Variants in TRPC4AP observed in about 807,000 individuals in gnomAD.
TRPC4AP encodes the protein transient receptor potential cation channel subfamily C member 4 associated protein.
In TRPC4AP, 45 loss-of-function variants were observed where a neutral mutation model predicts 99.0. The ratio of observed to expected loss-of-function variants is 0.45; its 90% confidence interval spans 0.36 to 0.58. The LOEUF (loss-of-function observed/expected upper bound fraction) is 0.58. Among genes scored for constraint, TRPC4AP ranks in the 20% least tolerant of loss-of-function variants. The pLI is 0.00. For synonymous variants in TRPC4AP, 408 were observed against 385.8 expected (o/e 1.06, Z -0.67); for missense variants, 879 against 985.3 (o/e 0.89, Z 1.44).
chr20:35,076,153 AT>A (rs1324260483), intron 2 of TRPC4AP, among the ~76,000 whole-genome samples: 1 of 152,144 alleles, frequency 6.6e-6, no homozygotes, highest in Non-Finnish European at 1.5e-5. Flanking sequence ...CTAGTTAGCC[AT>A]TCGTCTAATC....
At chr20:35,005,246 G>A (rs1277833531) in intron 16 of TRPC4AP, among the ~76,000 whole-genome samples, 1 of 152,182 alleles carries the variant, frequency 6.6e-6, no homozygotes, top group Non-Finnish European at 1.5e-5. Flanking sequence ...TGGGGGTGTG[G>A]GGGGGTCACA....
chr20:35,022,743 A>G (rs6060159), intron 8 of TRPC4AP, among the ~76,000 whole-genome samples: 121,226 of 152,132 alleles, frequency 0.8, 48,879 homozygotes, highest in African/African-American at 0.9. Flanking sequence ...TATTCCGACT[A>G]GGTGTGGTGG....
intron 1 of TRPC4AP, among the ~76,000 whole-genome samples, chr20:35,086,183 T>G (rs953298325): frequency 1.3e-5 from 2 of 151,946 alleles, no homozygotes; most frequent in Non-Finnish European, 2.9e-5. Flanking sequence ...GGTCTTGAAC[T>G]CCTGAGCTTA....
intron 1 of TRPC4AP, 51 bp downstream of exon 1, chr20:35,092,563 C>CCACA: frequency 7.2e-7 from 1 of 1,386,212 alleles, no homozygotes; most frequent in Non-Finnish European, 9.4e-7. Context: ...GGCCCCCCGC[C>CCACA]AGCTCCCGCC....
chr20:35,037,200 A>AGCTGGGCGCG (rs931120208), intron 7 of TRPC4AP, among the ~76,000 whole-genome samples: 2 of 151,864 alleles, frequency 1.3e-5, no homozygotes, highest in African/African-American at 4.8e-5. Context: ...ACAAAAAATT[A>AGCTGGGCGCG]GCTGGGCGCG....
chr20:35,003,073 A>C lies in TRPC4AP; in HGVS notation c.*73T>G. 6.3e-7 allele frequency: 1 copy of C among 1,582,772 alleles called. No individual in the cohort carries two copies. Among genetic ancestry groups the C allele is most frequent in the African/African-American group, 1.3e-5 (1 of 74,496 alleles). On this transcript the variant is annotated 3_prime_UTR_variant, in exon 19 of 19. Coordinates refer to ENST00000252015, the MANE Select transcript of TRPC4AP (RefSeq NM_015638.3). ...GAGAGCAGCAGGGAGGAACGGGAAC[A>C]GGGCAGGGCGTGTGGCATCGTACCC...
intron 8 of TRPC4AP, among the ~76,000 whole-genome samples, chr20:35,029,286 G>A (rs536414285): frequency 2.0e-5 from 3 of 152,242 alleles, no homozygotes; most frequent in South Asian, 4.1e-4. Flanking sequence ...CAGCTTTCTC[G>A]TGGATGCTGC....
At chr20:35,029,916 G>C (rs753338951) in intron 8 of TRPC4AP, among the ~76,000 whole-genome samples, 2 of 142,700 alleles carry the variant, frequency 1.4e-5, no homozygotes, top group African/African-American at 2.5e-5. Context: ...GATTACAGGC[G>C]TGAGCCACCG....
At chr20:35,010,364 G>T in intron 11 of TRPC4AP, 76 bp from the exon 12 acceptor site, 1 of 1,215,748 alleles carries the variant, frequency 8.2e-7, no homozygotes, top group Non-Finnish European at 1.2e-6. Flanking sequence ...AGTGTAGGGA[G>T]TCTCCTGCCC....
intron 10 of TRPC4AP, 35 bp from the exon 11 acceptor site, chr20:35,013,101 C>A (rs1341091598): frequency 6.2e-7 from 1 of 1,610,714 alleles, no homozygotes; most frequent in Non-Finnish European, 8.5e-7. Flanking sequence ...GTTAGGACCA[C>A]AGCCACAAGG....
intron 9 of TRPC4AP, among the ~76,000 whole-genome samples, chr20:35,018,604 G>GAAAAAAAAAAAAAAAAAA (rs11479211): frequency 1.0e-4 from 9 of 88,928 alleles, no homozygotes; most frequent in South Asian, 4.1e-4. Context: ...CTCAAAAAAA[G>GAAAAAAAAAAAAAAAAAA]AAAAAAAAAA....
chr20:35,015,359 A>C (rs2082728008), intron 10 of TRPC4AP, among the ~76,000 whole-genome samples: 1 of 152,094 alleles, frequency 6.6e-6, no homozygotes, highest in Admixed American at 6.6e-5. Flanking sequence ...AAGGAAAAGC[A>C]GGCTGCTAGC....
rs2084546185 is a variant in TRPC4AP, at chr20:35,078,563, GA to G, written c.169-390del. ...TGCTCAGTTAAGCCCATAAAAGGCA[GA>G]AAAAGAGGGGAAGACAAAGAACAAG... On this transcript the variant is annotated intron_variant, in intron 1 of 18. Transcript: ENST00000252015. Among the ~76,000 whole-genome samples the G allele has an allele frequency of 2.0e-5, 3 of 152,122 alleles. No individual in the cohort carries two copies. The South Asian group carries it at 6.2e-4, about 32-fold the overall frequency.
At chr20:35,031,413 T>C (rs922912370) in intron 8 of TRPC4AP, among the ~76,000 whole-genome samples, 9 of 128,866 alleles carry the variant, frequency 7.0e-5, no homozygotes, top group East Asian at 2.4e-4. Flanking sequence ...TTTTTTTTTT[T>C]TTCAAAGAGA....
chr20:35,068,310 T>C (rs1016502787), intron 3 of TRPC4AP, among the ~76,000 whole-genome samples: 2 of 152,234 alleles, frequency 1.3e-5, no homozygotes, highest in African/African-American at 2.4e-5. Flanking sequence ...TTCCTGGGGA[T>C]ATAAACTGAC....
intron 11 of TRPC4AP, among the ~76,000 whole-genome samples, chr20:35,012,389 G>A (rs1016319766): frequency 3.3e-5 from 5 of 152,148 alleles, no homozygotes; most frequent in Non-Finnish European, 5.9e-5. Context: ...CTGTGCACAC[G>A]CAGCTGGCTG....
intron 1 of TRPC4AP, among the ~76,000 whole-genome samples, chr20:35,086,374 T>C (rs1376678265): frequency 6.6e-6 from 1 of 151,536 alleles, no homozygotes; most frequent in African/African-American, 2.4e-5. Context: ...TCAGTAAAAT[T>C]AGGAGCAAAT....
At chr20:35,057,726 G>A (rs1236705865) in intron 3 of TRPC4AP, among the ~76,000 whole-genome samples, 155 bp from the exon 4 acceptor site, 1 of 152,150 alleles carries the variant, frequency 6.6e-6, no homozygotes, top group Non-Finnish European at 1.5e-5. Flanking sequence ...GCTCCTGACT[G>A]CAGCAAGTCA....
chr20:35,048,206 A>T, intron 6 of TRPC4AP, among the ~76,000 whole-genome samples: 1 of 134,674 alleles, frequency 7.4e-6, no homozygotes, highest in African/African-American at 2.7e-5. Flanking sequence ...GATTTGTAAG[A>T]ATTCTGTTTT....
Sources: allele counts gnomAD v4.1 joint callset (sites outside exome capture counted in the v4.1 genomes callset), GRCh38; gene constraint gnomAD v4.1.1; transcripts MANE v1.5; gene names NCBI Gene and HGNC (gene_info 2026-07-23, HGNC 2026-07-21).